The following SRGAP2B variants were observed in gnomAD, a reference collection of about 807,000 sequenced individuals.
The protein encoded by SRGAP2B is SLIT-ROBO Rho GTPase activating protein 2B, also known as SLIT-ROBO Rho GTPase-activating protein 2B.
In SRGAP2B, 9 loss-of-function variants were observed where a neutral mutation model predicts 22.2. The observed-to-expected ratio is 0.41, with a 90% confidence interval of 0.24 to 0.71. The LOEUF is 0.71. SRGAP2B is among the 30% of genes least tolerant of loss of function. The pLI, the probability that SRGAP2B is intolerant of heterozygous loss-of-function variation, is 0.35. For missense variants in SRGAP2B, 114 were observed against 235.8 expected (o/e 0.48, Z 3.38); for synonymous variants, 36 against 87.4 (o/e 0.41, Z 3.28).
At chr1:145,063,018 C>G (rs1473466037) in intron 2 of SRGAP2B, among the ~76,000 whole-genome samples, 2 of 150,270 alleles carry the variant, frequency 1.3e-5, no homozygotes, top group Non-Finnish European at 2.9e-5. Context: ...TTCTAAACTT[C>G]CAGCTCCAGA....
intron 2 of SRGAP2B, among the ~76,000 whole-genome samples, chr1:144,997,513 G>A (rs1432481385): frequency 2.7e-5 from 4 of 149,664 alleles, no homozygotes; most frequent in Non-Finnish European, 5.9e-5. Flanking sequence ...GATGTACAGG[G>A]GATATGGATG....
chr1:144,911,613 ACTG>A (rs1306328369), intron 5 of SRGAP2B, among the ~76,000 whole-genome samples: 12 of 145,184 alleles, frequency 8.3e-5, no homozygotes, highest in Non-Finnish European at 1.2e-4. Flanking sequence ...TATTCTCTGA[ACTG>A]CTATTTTTTT....
rs1454931486 is a variant in SRGAP2B, at chr1:144,898,561, A to G, written c.832-1224T>C. ...GCTCTGAGGTCCGGGTCCTAAGAAG[A>G]AACCTCAAAGAAGAATCTATGCATA... On this transcript the variant is annotated intron_variant, in intron 7 of 9. Coordinates refer to ENST00000612199, the Ensembl canonical transcript of SRGAP2B. 2.2e-3 allele frequency among the ~76,000 whole-genome samples: 331 copies of G among 149,834 alleles called. 6 individuals carry two copies. Among genetic ancestry groups the G allele is most frequent in the Non-Finnish European group, 3.1e-3 (212 of 67,820 alleles).
At chr1:145,064,738 T>C (rs1298660130) in intron 2 of SRGAP2B, among the ~76,000 whole-genome samples, 1 of 150,574 alleles carries the variant, frequency 6.6e-6, no homozygotes, top group Non-Finnish European at 1.5e-5. Flanking sequence ...ATCAGACTTA[T>C]TGAGAACAGG....
At chr1:144,888,609 TGTTCACTCTTGCACTGAGTGAAGTTCAA>T (rs1662044433) in exon 10 of SRGAP2B, 1 of 6,150 alleles carries the variant, frequency 1.6e-4, no homozygotes, top group Non-Finnish European at 3.4e-4. Flanking sequence ...ACAAAGTGTG[TGTTCACTCTTGCACTGAGTGAAGTTCAA>T]GTTCACTCTT....
At chr1:145,058,903 C>T (rs587687174) in intron 2 of SRGAP2B, among the ~76,000 whole-genome samples, 3 of 137,714 alleles carry the variant, frequency 2.2e-5, no homozygotes, top group Non-Finnish European at 4.7e-5. Context: ...GGATTACAGG[C>T]GTGAGCCACC....
intron 2 of SRGAP2B, among the ~76,000 whole-genome samples, chr1:145,031,663 C>T (rs1308479765): frequency 5.6e-5 from 8 of 141,826 alleles, no homozygotes; most frequent in East Asian, 4.0e-4. Flanking sequence ...CTGGCTAACA[C>T]GGTGAAACCC....
chr1:144,969,869 T>C (rs1668367485), intron 3 of SRGAP2B, among the ~76,000 whole-genome samples: 1 of 150,772 alleles, frequency 6.6e-6, no homozygotes, highest in African/African-American at 2.5e-5. Flanking sequence ...AGAAGACATT[T>C]ATGCAGCCAA....
intron 2 of SRGAP2B, among the ~76,000 whole-genome samples, chr1:145,057,053 A>C (rs1284272010): frequency 3.6e-4 from 51 of 143,338 alleles, no homozygotes; most frequent in African/African-American, 1.3e-3. Flanking sequence ...GTCACCTTTT[A>C]AATCCATAAA....
At chr1:145,094,078 G>A (rs1388127244) in intron 1 of SRGAP2B, among the ~76,000 whole-genome samples, 2 of 123,672 alleles carry the variant, frequency 1.6e-5, no homozygotes, top group Admixed American at 8.0e-5. Flanking sequence ...AAACCGGGGG[G>A]CGGCGAGCGG....
intron 3 of SRGAP2B, among the ~76,000 whole-genome samples, chr1:144,957,016 C>A (rs1300478060): frequency 6.6e-6 from 1 of 150,732 alleles, no homozygotes; most frequent in Non-Finnish European, 1.5e-5. Context: ...GAAAAGTAGA[C>A]TAAAAATTTT....
intron 2 of SRGAP2B, among the ~76,000 whole-genome samples, chr1:145,006,320 G>T (rs1553621067): frequency 6.6e-6 from 1 of 150,788 alleles, no homozygotes; most frequent in Non-Finnish European, 1.5e-5. Flanking sequence ...ATAGTTACAT[G>T]AAGATGTCCC....
chr1:144,996,995 G>A (rs1161914840), intron 2 of SRGAP2B, among the ~76,000 whole-genome samples: 1 of 148,982 alleles, frequency 6.7e-6, no homozygotes, highest in Non-Finnish European at 1.5e-5. Flanking sequence ...AACAGCCCTT[G>A]TTGAGACTAT....
rs868986509 is a variant in SRGAP2B, at chr1:145,044,673, A to C, written c.67+48162T>G. Among the ~76,000 whole-genome samples the C allele has an allele frequency of 3.3e-3, 343 of 104,644 alleles. 1 individual carries two copies. Among genetic ancestry groups the C allele is most frequent in the African/African-American group, 0.012 (313 of 27,024 alleles). 68.7% of individuals were successfully genotyped at this position (104,644 alleles called of 152,430 possible). ...CCTAAAAAAAAAAAAAAAAAAAAAA[A>C]AAAAAAAAAAAAAAAAAAAAAAAAA... is the stretch of plus-strand genomic sequence containing the variant. On this transcript the variant is annotated intron_variant, in intron 2 of 9. Transcript: ENST00000612199.
chr1:144,905,307 C>A (rs1662904666), intron 6 of SRGAP2B, 88 bp from the exon 7 acceptor site: 1 of 624,182 alleles, frequency 1.6e-6, no homozygotes, highest in Non-Finnish European at 2.9e-6. Flanking sequence ...TATTCAAGAA[C>A]TACAATTGTG....
chr1:144,920,777 A>C, intron 4 of SRGAP2B, among the ~76,000 whole-genome samples: 2 of 150,830 alleles, frequency 1.3e-5, no homozygotes, highest in Middle Eastern at 6.8e-3. Flanking sequence ...ACACAGGTTT[A>C]AGAAGACTGG....
Sources: allele counts gnomAD v4.1 joint callset (sites outside exome capture counted in the v4.1 genomes callset), GRCh38; gene constraint gnomAD v4.1.1; transcripts MANE v1.5; gene names NCBI Gene and HGNC (gene_info 2026-07-23, HGNC 2026-07-21).